Variants in FUBP1 observed in about 807,000 individuals in gnomAD.
FUBP1 encodes the protein far upstream element-binding protein 1.
In FUBP1, 16 loss-of-function variants were observed where a neutral mutation model predicts 94.9. The ratio of observed to expected loss-of-function variants is 0.17; its 90% CI spans 0.11 to 0.26. The LOEUF is 0.26. FUBP1 is among the 10% of genes least tolerant of loss of function. FUBP1 has a pLI of 1.00. For missense variants in FUBP1, 583 were observed against 808.6 expected (o/e 0.72, Z 3.38); for synonymous variants, 279 against 254.9 (o/e 1.09, Z -0.90).
intron 17 of FUBP1, 186 bp from the exon 18 acceptor site, chr1:77,955,515 T>G (rs1180446888): frequency 7.9e-6 from 4 of 507,314 alleles, no homozygotes; most frequent in Non-Finnish European, 1.0e-5. Context: ...ACAGAGGTGG[T>G]GGACAGAAAA....
Position 77,947,609 on chromosome 1 carries a change from T to A in FUBP1, c.*1157A>T. Reference sequence around the variant, plus strand: ...TTGCATGTAGTCTAATATATTAATATGCAAAGAGCCAACAAATATGCAAAG... The same window carrying A: ...TTGCATGTAGTCTAATATATTAATAAGCAAAGAGCCAACAAATATGCAAAG... On this transcript the variant is annotated 3_prime_UTR_variant, in exon 20 of 20. Coordinates refer to ENST00000370768, the MANE Select transcript of FUBP1 (RefSeq NM_003902.5). 1 of 1,080,690 alleles carries A rather than the reference T, an allele frequency of 9.3e-7. No individual in the cohort carries two copies. The highest frequency in any genetic ancestry group is 1.3e-6 in the Non-Finnish European group (1 of 779,124). 66.9% of individuals were successfully genotyped at this position (1,080,690 alleles called of 1,614,324 possible).
chr1:77,944,803 A>G lies in FUBP1; in HGVS notation c.*3963T>C, dbSNP rs543590299. Among the ~76,000 whole-genome samples, 4 of 152,118 alleles carry G rather than the reference A, an allele frequency of 2.6e-5. No homozygotes were observed. In the South Asian group the frequency reaches 8.3e-4, roughly 32 times the overall value. ...AAAAGATATATTTTACAATGTTTAT[A>G]AACAACTAGTATCAAATTACTAGTT... On this transcript the variant is annotated 3_prime_UTR_variant, in exon 20 of 20. Transcript: ENST00000370768.
rs772497634 is a variant in FUBP1 at position 77,978,936 on chromosome 1, A to ACCACCGCCG, written c.60_68dup (p.Gly24_Gly26dup). On this transcript the variant is annotated inframe_insertion, in exon 1 of 20. Coordinates refer to ENST00000370768, the MANE Select transcript of FUBP1 (RefSeq NM_003902.5). ...TGAAAGCGTCGTTAACTCCTCCACC[A>ACCACCGCCG]CCACCGCCGCCACCACCGCCACCAG... is the stretch of plus-strand genomic sequence containing the variant. The ACCACCGCCG allele has an allele frequency of 1.9e-6, 3 of 1,612,764 alleles. No individual in the cohort carries two copies. The highest frequency in any genetic ancestry group is 2.5e-6 in the Non-Finnish European group (3 of 1,179,438).
chr1:77,976,477 C>A (rs1658612943), intron 1 of FUBP1, among the ~76,000 whole-genome samples: 1 of 151,988 alleles, frequency 6.6e-6, no homozygotes, highest in Non-Finnish European at 1.5e-5. Flanking sequence ...GAAATTATGG[C>A]TTAGCCTAAT....
chr1:77,971,068 A>C (rs1055651457), intron 1 of FUBP1, among the ~76,000 whole-genome samples: 2 of 152,046 alleles, frequency 1.3e-5, no homozygotes, highest in Admixed American at 6.5e-5. Flanking sequence ...AAACAAAAAA[A>C]AAAACCTGGC....
Position 77,947,366 on chromosome 1 carries a change from C to T in FUBP1, c.*1400G>A, listed in dbSNP as rs1652382963. On this transcript the variant is annotated 3_prime_UTR_variant, in exon 20 of 20. Transcript: ENST00000370768. ...CAGCACTGTATTCCAACATAATATT[C>T]ACACAACGTATGGCATTTGCATTAT... 1 of 469,388 alleles carries T rather than the reference C, an allele frequency of 2.1e-6. No individual in the cohort carries two copies. The highest frequency in any genetic ancestry group is 4.2e-6 in the Non-Finnish European group (1 of 239,482). 29.1% of individuals were successfully genotyped at this position (469,388 alleles called of 1,614,324 possible). A position where few individuals can be genotyped will look rare whatever the true frequency, so the allele number is the denominator to read the frequency against.
intron 17 of FUBP1, among the ~76,000 whole-genome samples, chr1:77,956,337 G>A (rs917029472): frequency 2.0e-5 from 3 of 152,186 alleles, no homozygotes; most frequent in Non-Finnish European, 4.4e-5. Flanking sequence ...GATGGTAACA[G>A]AGTAAACAAG....
intron 7 of FUBP1, among the ~76,000 whole-genome samples, chr1:77,966,309 T>C (rs1459605164): frequency 6.6e-6 from 1 of 152,044 alleles, no homozygotes; most frequent in Non-Finnish European, 1.5e-5. Context: ...AAATACAGTA[T>C]TAAAGAGCCT....
intron 16 of FUBP1, among the ~76,000 whole-genome samples, chr1:77,958,158 A>G (rs1339635800): frequency 6.6e-6 from 1 of 152,192 alleles, no homozygotes; most frequent in East Asian, 1.9e-4. Context: ...AGAGAATTTG[A>G]GATAAAACAG....
At chr1:77,964,189 T>C in intron 11 of FUBP1, 27 bp from the exon 12 acceptor site, 1 of 1,557,764 alleles carries the variant, frequency 6.4e-7, no homozygotes, top group Non-Finnish European at 8.9e-7. Context: ...CAAAATTAAT[T>C]AAACAATAAA....
chr1:77,950,950 A>G (rs1653351428), intron 18 of FUBP1, among the ~76,000 whole-genome samples: 1 of 152,218 alleles, frequency 6.6e-6, no homozygotes, highest in Non-Finnish European at 1.5e-5. Context: ...CTCATATACT[A>G]TTAAAAATTC....
Position 77,948,677 on chromosome 1 carries a change from G to T in FUBP1, c.*89C>A. ...TATTTTAAACCAAAAACAAAATTAAGATCTTCATCAAGTCGTCTGCATCCA... is the reference window on the plus strand; with the variant it reads ...TATTTTAAACCAAAAACAAAATTAATATCTTCATCAAGTCGTCTGCATCCA... On this transcript the variant is annotated 3_prime_UTR_variant, in exon 20 of 20. Coordinates refer to ENST00000370768, the MANE Select transcript of FUBP1 (RefSeq NM_003902.5). The T allele has an allele frequency of 4.4e-6, 6 of 1,374,266 alleles. No homozygotes were observed. Among genetic ancestry groups the T allele is most frequent in the East Asian group, 2.8e-5 (1 of 35,736 alleles). 85.1% of individuals were successfully genotyped at this position (1,374,266 alleles called of 1,614,324 possible).
At chr1:77,968,504 A>G (rs1656929988) in intron 2 of FUBP1, among the ~76,000 whole-genome samples, 1 of 152,062 alleles carries the variant, frequency 6.6e-6, no homozygotes, top group African/African-American at 2.4e-5. Context: ...CTTTAGGTCC[A>G]TTACTAGCAA....
At chr1:77,958,220 C>T (rs1354712489) in intron 16 of FUBP1, among the ~76,000 whole-genome samples, 1 of 152,146 alleles carries the variant, frequency 6.6e-6, no homozygotes, top group East Asian at 1.9e-4. Context: ...TACCAAAAAA[C>T]CAGTCTCACA....
intron 14 of FUBP1, 120 bp downstream of exon 14, chr1:77,962,650 G>A (rs938007532): frequency 7.9e-5 from 45 of 567,412 alleles, no homozygotes; most frequent in Non-Finnish European, 1.3e-4. Flanking sequence ...TACATATCAT[G>A]AAATCTATAA....
At chr1:77,979,324 G>T (rs1201761478), upstream of FUBP1, 3 of 314,662 alleles carry the variant, frequency 9.5e-6, no homozygotes, top group Admixed American at 1.3e-4. Context: ...CTGCAGGGTG[G>T]TGGGTGATAG....
chr1:77,963,683 A>ACCACCAGGTCCAGGT lies in FUBP1; in HGVS notation c.1059_1073dup (p.Pro354_Gly358dup), dbSNP rs763681397. 1 of 1,612,276 alleles carries ACCACCAGGTCCAGGT rather than the reference A, an allele frequency of 6.2e-7. No individual in the cohort carries two copies. Among genetic ancestry groups the ACCACCAGGTCCAGGT allele is most frequent in the Non-Finnish European group, 8.5e-7 (1 of 1,178,448 alleles). ...TGCCTTGACCTCTACCTCTTCCTCG[A>ACCACCAGGTCCAGGT]CCACCAGGTCCAGGTCCACCAGGAT... On this transcript the variant is annotated inframe_insertion, in exon 13 of 20. Coordinates refer to ENST00000370768, the MANE Select transcript of FUBP1 (RefSeq NM_003902.5).
chr1:77,970,075 A>G, intron 1 of FUBP1, 60 bp from the exon 2 acceptor site: 2 of 756,408 alleles, frequency 2.6e-6, no homozygotes, highest in African/African-American at 1.8e-5. Context: ...TTACTAAATT[A>G]CCCCCATTTA....
At chr1:77,968,643 A>G (rs555790432) in intron 2 of FUBP1, among the ~76,000 whole-genome samples, 1 of 129,948 alleles carries the variant, frequency 7.7e-6, no homozygotes, top group African/African-American at 2.8e-5. Flanking sequence ...AGCTATGCCC[A>G]AAAAAAAAAA....
Sources: allele counts gnomAD v4.1 joint callset (sites outside exome capture counted in the v4.1 genomes callset), GRCh38; gene constraint gnomAD v4.1.1; transcripts MANE v1.5; gene names NCBI Gene and HGNC (gene_info 2026-07-23, HGNC 2026-07-21).